SIPA1L3: variants seen among roughly 807,000 people sequenced by gnomAD.
SIPA1L3 encodes the protein signal induced proliferation associated 1 like 3.
Under a neutral mutation model 150.1 loss-of-function variants are expected in SIPA1L3, and 59 were observed. That is an observed-to-expected ratio of 0.39 (90% CI 0.32 to 0.49). The LOEUF is 0.49. SIPA1L3 is among the 20% of genes least tolerant of loss of function. The pLI is 0.86. For missense variants in SIPA1L3, 2,211 were observed against 2,489.5 expected (o/e 0.89, Z 2.38); for synonymous variants, 1,070 against 1,077.6 (o/e 0.99, Z 0.14).
chr19:38,206,348 C>A lies in SIPA1L3; in HGVS notation c.*108C>A. 1 of 1,315,334 alleles carries A rather than the reference C, an allele frequency of 7.6e-7. No individual in the cohort carries two copies. Among genetic ancestry groups the A allele is most frequent in the Non-Finnish European group, 1.0e-6 (1 of 974,362 alleles). The allele number at this position is 1,315,334 out of a possible 1,614,324, so 81.5% of individuals were successfully genotyped here. A position where few individuals can be genotyped will look rare whatever the true frequency, so the allele number is the denominator to read the frequency against. On this transcript the variant is annotated 3_prime_UTR_variant, in exon 22 of 22. Transcript: ENST00000222345. ...GCCGGTGTGACCAAGATGACCCATCCAGGGCCCTCCCCATGGACACGGAAA... is the reference window on the plus strand; with the variant it reads ...GCCGGTGTGACCAAGATGACCCATCAAGGGCCCTCCCCATGGACACGGAAA...
chr19:38,134,707 GAAAAAAAAAAAAAAA>G (rs3083628), intron 10 of SIPA1L3, among the ~76,000 whole-genome samples: 1 of 91,052 alleles, frequency 1.1e-5, no homozygotes, highest in African/African-American at 4.5e-5. Flanking sequence ...TCTGTTTCAG[GAAAAAAAAAAAAAAA>G]AAAAAAAAAA....
At position 38,124,382 on chromosome 19, in the gene SIPA1L3, G is replaced by A. The variant is rs547881920; in HGVS notation, c.2868+4500G>A. 1.1e-3 allele frequency among the ~76,000 whole-genome samples: 159 copies of A among 150,070 alleles called. 1 individual carries two copies. The highest frequency in any genetic ancestry group is 3.2e-3 in the African/African-American group (130 of 40,356). On this transcript the variant is annotated intron_variant, in intron 9 of 21. Coordinates refer to ENST00000222345, the MANE Select transcript of SIPA1L3 (RefSeq NM_015073.3). ...CCAGACGGGGTGGCGGGGCAGAGGC[G>A]CTCCCCACATCTCAGACGATGGGCG...
At chr19:38,188,131 T>A (rs1972728311) in intron 16 of SIPA1L3, among the ~76,000 whole-genome samples, 1 of 152,202 alleles carries the variant, frequency 6.6e-6, no homozygotes, top group Middle Eastern at 3.4e-3. Context: ...CACTTTTGAG[T>A]CACTTCACTT....
chr19:38,196,208 C>T (rs903187957), intron 18 of SIPA1L3, among the ~76,000 whole-genome samples: 7 of 152,246 alleles, frequency 4.6e-5, no homozygotes, highest in South Asian at 2.1e-4. Context: ...GCCTGTCACA[C>T]GGTGCTCCTG....
At position 38,198,536 on chromosome 19, in the gene SIPA1L3, G is replaced by T. The variant is rs112140747; in HGVS notation, c.4984+4G>T. The T allele has an allele frequency of 1.3e-6, 2 of 1,540,460 alleles. No homozygotes were observed. Among genetic ancestry groups the T allele is most frequent in the Non-Finnish European group, 1.7e-6 (2 of 1,145,168 alleles). ...AACGCAGCCAAGGCATACGAAGGTA[G>T]GCGCCTTCCACCCAGTCCCGCCAGG... On this transcript the variant is annotated splice_donor_region_variant and intron_variant, in intron 19 of 21. Coordinates refer to ENST00000222345, the MANE Select transcript of SIPA1L3 (RefSeq NM_015073.3).
chr19:37,990,000 C>T (rs565671026), intron 1 of SIPA1L3, among the ~76,000 whole-genome samples: 11 of 152,104 alleles, frequency 7.2e-5, no homozygotes, highest in African/African-American at 2.4e-4. Flanking sequence ...TTGACGTAGA[C>T]CCCCCCACCT....
chr19:37,926,516 G>A (rs1443905540), intron 1 of SIPA1L3, among the ~76,000 whole-genome samples: 1 of 152,184 alleles, frequency 6.6e-6, no homozygotes, highest in Non-Finnish European at 1.5e-5. Context: ...TGGGCATTCT[G>A]CATCAGTCAC....
intron 12 of SIPA1L3, among the ~76,000 whole-genome samples, chr19:38,147,865 C>T (rs951799291): frequency 6.6e-6 from 1 of 152,002 alleles, no homozygotes; most frequent in Non-Finnish European, 1.5e-5. Context: ...GTCACTCTGC[C>T]AGGACGTAAC....
At chr19:38,204,261 G>A (rs763041412) in intron 21 of SIPA1L3, 53 bp downstream of exon 21, 3 of 1,473,554 alleles carry the variant, frequency 2.0e-6, no homozygotes, top group Non-Finnish European at 2.8e-6. Context: ...ACTGGGCAGG[G>A]CAGTCAGCAG....
intron 1 of SIPA1L3, among the ~76,000 whole-genome samples, chr19:38,008,750 G>T (rs1276108931): frequency 6.6e-6 from 1 of 151,642 alleles, no homozygotes; most frequent in African/African-American, 2.4e-5. Context: ...GGTAGAGACA[G>T]GGTCTCCCTA....
At position 38,162,348 on chromosome 19, in the gene SIPA1L3, G is replaced by C; in HGVS notation, c.3757G>C (p.Asp1253His). The change falls in exon 14 of 22, where the codon GAT becomes CAT. Residue 1253 changes from aspartate (D) to histidine (H), a missense_variant. Coordinates refer to ENST00000222345, the MANE Select transcript of SIPA1L3 (RefSeq NM_015073.3). ...GTCCAGGCAGGATGCAGCAGGCAAA[G>C]ATTCCCCCAACAGGCATTCCAAAGT... Reference protein sequence around the residue: ...HPSRQDAAGKDSPNRHSKGEP... With the variant: ...HPSRQDAAGKHSPNRHSKGEP... The C allele has an allele frequency of 6.2e-7, 1 of 1,614,192 alleles. No homozygotes were observed. Among genetic ancestry groups the C allele is most frequent in the South Asian group, 1.1e-5 (1 of 91,086 alleles).
chr19:37,921,919 G>C (rs1452396396), intron 1 of SIPA1L3, among the ~76,000 whole-genome samples: 1 of 151,740 alleles, frequency 6.6e-6, no homozygotes, highest in Non-Finnish European at 1.5e-5. Flanking sequence ...TCTTTCCAAG[G>C]CACCTTTTGC....
At position 37,907,794 on chromosome 19, in the gene SIPA1L3, T is replaced by C. The variant is rs2046347183; in HGVS notation, c.-379+436T>C. On this transcript the variant is annotated intron_variant, in intron 1 of 21. Transcript: ENST00000222345. ...CTCTCCGAAAAATGAGGTGAAGATG[T>C]TATCGATTGCATAGGGTGAGGATTA... is the stretch of plus-strand genomic sequence containing the variant. 2.6e-5 allele frequency: 4 copies of C among 152,240 alleles called. No homozygotes were observed. In the South Asian group the frequency reaches 8.3e-4, roughly 32 times the overall value. 9.4% of individuals were successfully genotyped at this position (152,240 alleles called of 1,614,324 possible).
intron 15 of SIPA1L3, among the ~76,000 whole-genome samples, chr19:38,174,719 G>A (rs913107811): frequency 2.6e-5 from 4 of 152,128 alleles, no homozygotes; most frequent in Admixed American, 6.5e-5. Context: ...GTGTGGTGGC[G>A]GGTGCCAGTA....
intron 8 of SIPA1L3, among the ~76,000 whole-genome samples, chr19:38,111,942 CACACACAT>C: frequency 6.6e-6 from 1 of 151,548 alleles, no homozygotes; most frequent in Non-Finnish European, 1.5e-5. Context: ...CATGCACATG[CACACACAT>C]ACATGCACAC....
chr19:38,055,532 T>G (rs1183953716), intron 2 of SIPA1L3, among the ~76,000 whole-genome samples: 7 of 152,242 alleles, frequency 4.6e-5, no homozygotes, highest in African/African-American at 1.7e-4. Context: ...CTGGCCATAA[T>G]CAGATACATC....
intron 2 of SIPA1L3, among the ~76,000 whole-genome samples, chr19:38,052,815 G>A (rs778791089): frequency 2.6e-5 from 4 of 152,164 alleles, no homozygotes; most frequent in African/African-American, 7.2e-5. Context: ...CTCCTCTGCC[G>A]GAGGAGTCCC....
At chr19:37,993,253 T>G (rs1967556991) in intron 1 of SIPA1L3, among the ~76,000 whole-genome samples, 1 of 152,174 alleles carries the variant, frequency 6.6e-6, no homozygotes. Flanking sequence ...GATCACGAGA[T>G]GATCTATATG....
At chr19:38,025,294 A>G (rs1358508642) in intron 1 of SIPA1L3, among the ~76,000 whole-genome samples, 1 of 152,158 alleles carries the variant, frequency 6.6e-6, no homozygotes, top group Non-Finnish European at 1.5e-5. Context: ...CTCGGCCTGT[A>G]TGTCACCTGT....
Sources: allele counts gnomAD v4.1 joint callset (sites outside exome capture counted in the v4.1 genomes callset), GRCh38; gene constraint gnomAD v4.1.1; transcripts MANE v1.5; gene names NCBI Gene and HGNC (gene_info 2026-07-23, HGNC 2026-07-21).